EMX1: variants seen among roughly 807,000 people sequenced by gnomAD.
EMX1 encodes the protein empty spiracles homeobox 1, also known as homeobox protein EMX1.
A neutral mutation model predicts 20.1 loss-of-function variants in EMX1; 10 were observed. The observed-to-expected ratio is 0.50, with a 90% CI of 0.31 to 0.84. EMX1 has a LOEUF of 0.84. Among genes scored for constraint, EMX1 ranks in the 40% least tolerant of loss-of-function variants. The pLI is 0.05. For missense variants in EMX1, 424 were observed against 431.9 expected (o/e 0.98, Z 0.16); for synonymous variants, 250 against 200.4 (o/e 1.25, Z -2.09).
At chr2:72,933,657 TG>T in intron 2 of EMX1, 129 bp from the exon 3 acceptor site, 3 of 1,246,708 alleles carry the variant, frequency 2.4e-6, no homozygotes, top group Non-Finnish European at 3.3e-6. Flanking sequence ...GACCCCGGCC[TG>T]GGGCCCCTAA....
rs1265933495 is a variant in EMX1, at chr2:72,930,925, T to C, written c.706-2862T>C. ...CCTTCTAGTCTTTTTTCCCCGTGTG[T>C]AGATTTTGTTTTTCTATGGTTGTGA... On this transcript the variant is annotated intron_variant, in intron 2 of 2. Coordinates refer to ENST00000258106, the MANE Select transcript of EMX1 (RefSeq NM_004097.3). This position sits in a 1 kb window ranked among gnomAD's most constrained non-coding sequence, Gnocchi z 4.4. Among the ~76,000 whole-genome samples the C allele has an allele frequency of 2.6e-5, 4 of 152,166 alleles. No homozygotes were observed. The highest frequency in any genetic ancestry group is 4.4e-5 in the Non-Finnish European group (3 of 68,024).
In EMX1 at chr2:72,917,926, C is replaced by T. The variant is rs992928320; in HGVS notation, c.74C>T (p.Pro25Leu). Residue 25 changes from proline (P) to leucine (L), a missense_variant, in exon 1 of 3, where the codon CCT becomes CTT. Pro to Leu is a moderately conservative substitution (Grantham distance 98). Coordinates refer to ENST00000258106, the MANE Select transcript of EMX1 (RefSeq NM_004097.3). ...GGAGCGCTCCCCAGAGCCCGGCTGC[C>T]TCGCACAGCTCCCGCGGCTGCGACC... ...GRGALPRARL[P>L]RTAPAAATMF... 5.3e-5 allele frequency: 78 copies of T among 1,485,432 alleles called. No individual in the cohort carries two copies. The highest frequency in any genetic ancestry group is 6.9e-5 in the Non-Finnish European group (78 of 1,125,592). The allele number at this position is 1,485,432 out of a possible 1,614,324, so 92.0% of individuals were successfully genotyped here. A position where few individuals can be genotyped will look rare whatever the true frequency, so the allele number is the denominator to read the frequency against.
chr2:72,923,861 T>G (rs1211124864), intron 1 of EMX1: 1 of 258,372 alleles, frequency 3.9e-6, no homozygotes, highest in Admixed American at 4.9e-5. Context: ...TGGAGGGAGA[T>G]GCTTTGCGAC....
rs186381083 is a variant in EMX1 at position 72,919,486 on chromosome 2, G to T, written c.520+1114G>T. 9.8e-5 allele frequency among the ~76,000 whole-genome samples: 15 copies of T among 152,316 alleles called. No homozygotes were observed. In the East Asian group the frequency reaches 2.7e-3, roughly 27 times the overall value. ...AACAAATGAAAGGGACATGGCTGGAGCTTCGGCTCCAGGAGCTAATGTGAC... is the reference window on the plus strand; with the variant it reads ...AACAAATGAAAGGGACATGGCTGGATCTTCGGCTCCAGGAGCTAATGTGAC... On this transcript the variant is annotated intron_variant, in intron 1 of 2. Coordinates refer to ENST00000258106, the MANE Select transcript of EMX1 (RefSeq NM_004097.3).
At chr2:72,918,942 C>G (rs1336805606) in intron 1 of EMX1, among the ~76,000 whole-genome samples, 3 of 152,218 alleles carry the variant, frequency 2.0e-5, no homozygotes, top group Admixed American at 1.3e-4. Context: ...AACCTTGGCC[C>G]GACTTCTCCA....
intron 1 of EMX1, among the ~76,000 whole-genome samples, chr2:72,921,699 A>G (rs1021196929): frequency 8.4e-4 from 128 of 152,004 alleles, no homozygotes; most frequent in African/African-American, 2.8e-3. Flanking sequence ...GGTTAGAAGG[A>G]CCCCTGTATT....
At chr2:72,925,920 C>G in intron 2 of EMX1, 1 of 985,366 alleles carries the variant, frequency 1.0e-6, no homozygotes, top group Middle Eastern at 5.2e-4. Context: ...AGGGAAAAAG[C>G]TTACAAAACA....
intron 2 of EMX1, among the ~76,000 whole-genome samples, chr2:72,928,816 G>C (rs1671242978): frequency 6.6e-6 from 1 of 152,228 alleles, no homozygotes; most frequent in Non-Finnish European, 1.5e-5. Flanking sequence ...GGGGTGTCAG[G>C]ATAGAAACGC....
At chr2:72,916,418 C>G, upstream of EMX1, 1 of 534,970 alleles carries the variant, frequency 1.9e-6, no homozygotes, top group East Asian at 3.3e-5. Context: ...CGGCAAGGTC[C>G]AGGTCCCAGC....
At chr2:72,925,783 T>C (rs892883891) in intron 2 of EMX1, 17 of 985,398 alleles carry the variant, frequency 1.7e-5, no homozygotes, top group Non-Finnish European at 1.9e-5. Context: ...CCTCTCCTCC[T>C]TCAGTGGCAT....
chr2:72,932,575 G>A (rs74928218), intron 2 of EMX1, among the ~76,000 whole-genome samples: 1,871 of 152,316 alleles, frequency 0.012, 38 homozygotes, highest in African/African-American at 0.043. Context: ...GTCCAGTCCA[G>A]GAGCCAGGAT....
chr2:72,916,656 GTCCTGACGGC>G, upstream of EMX1: 1 of 712,708 alleles, frequency 1.4e-6, no homozygotes, highest in Middle Eastern at 2.3e-4. Context: ...GCTTCTGCGT[GTCCTGACGGC>G]TGGCGTGTTC....
chr2:72,918,473 G>T, intron 1 of EMX1, 101 bp downstream of exon 1: 1 of 1,310,762 alleles, frequency 7.6e-7, no homozygotes. Context: ...AGAAGTTACT[G>T]CCGGGAAGGC....
chr2:72,923,784 C>T (rs60000031), intron 1 of EMX1: 4,639 of 204,580 alleles, frequency 0.023, 219 homozygotes, highest in African/African-American at 0.1. Flanking sequence ...CAAAGGTGTG[C>T]CTAGCACCCC....
Position 72,918,212 on chromosome 2 carries a change from C to G in EMX1, c.360C>G (p.Pro120=). Residue 120 remains proline (P), a synonymous_variant, in exon 1 of 3, where the codon CCC becomes CCG. Coordinates refer to ENST00000258106, the MANE Select transcript of EMX1 (RefSeq NM_004097.3). ...ACGGTGGGCCCGAGCTCGTGTTCCC[C>G]GAGGCCATGAACCACCCCGCGCTGA... ...SLYGGPELVF[P]EAMNHPALTV... 2.5e-6 allele frequency: 4 copies of G among 1,568,900 alleles called. No homozygotes were observed. Among genetic ancestry groups the G allele is most frequent in the Non-Finnish European group, 3.4e-6 (4 of 1,168,970 alleles).
chr2:72,918,837 C>A (rs927238281), intron 1 of EMX1, among the ~76,000 whole-genome samples: 2 of 152,152 alleles, frequency 1.3e-5, no homozygotes, highest in African/African-American at 4.8e-5. Flanking sequence ...CATTCGCGTG[C>A]CCCAGCTCTG....
rs1192414599 is a variant in EMX1, at chr2:72,934,333, G to GTC, written c.*387_*388dup. ...CCCCTTCCCTATGGGAATAATAAAA[G>GTC]TCTCTCTCTTAATGACACGGGCATC... On this transcript the variant is annotated 3_prime_UTR_variant, in exon 3 of 3. Coordinates refer to ENST00000258106, the MANE Select transcript of EMX1 (RefSeq NM_004097.3). 1 of 182,038 alleles carries GTC rather than the reference G, an allele frequency of 5.5e-6. No individual in the cohort carries two copies. Among genetic ancestry groups the GTC allele is most frequent in the Non-Finnish European group, 1.2e-5 (1 of 86,912 alleles). 11.3% of individuals were successfully genotyped at this position (182,038 alleles called of 1,614,324 possible).
intron 1 of EMX1, among the ~76,000 whole-genome samples, chr2:72,918,615 C>G (rs1671041918): frequency 6.6e-6 from 1 of 152,258 alleles, no homozygotes; most frequent in African/African-American, 2.4e-5. Flanking sequence ...TATACCAGTT[C>G]GGACGCAAGC....
intron 1 of EMX1, among the ~76,000 whole-genome samples, chr2:72,920,055 G>T (rs947044087): frequency 4.6e-5 from 7 of 152,106 alleles, no homozygotes; most frequent in African/African-American, 1.7e-4. Context: ...GGGCGGGGTC[G>T]TTCCTAAGTC....
Sources: gnomAD v4.1 joint callset for allele counts (sites outside exome capture counted in the v4.1 genomes callset) on GRCh38, gnomAD v4.1.1 for gene constraint, Gnocchi (gnomAD v3.1) non-coding constraint, MANE v1.5 for transcripts, NCBI Gene and HGNC (gene_info 2026-07-23, HGNC 2026-07-21) for gene names.